GALNT17: variants seen among roughly 807,000 people sequenced by gnomAD.
GALNT17 encodes the protein polypeptide N-acetylgalactosaminyltransferase 17, also known as UDP-GalNAc:polypeptide N-acetylgalactosaminyltransferase-like 3.
Under a neutral mutation model 63.7 loss-of-function variants are expected in GALNT17, and 29 were observed. That is an observed-to-expected ratio of 0.46 (90% confidence interval 0.34 to 0.62). GALNT17 has a LOEUF of 0.62. Ranked by LOEUF, GALNT17 falls within the 20% of genes least tolerant of loss-of-function variation. The probability of loss-of-function intolerance (pLI) is 0.01; values close to 1 mark genes in which losing one functional copy is unlikely to be tolerated. For missense variants in GALNT17, 603 were observed against 799.6 expected (o/e 0.75, Z 2.97); for synonymous variants, 305 against 318.3 (o/e 0.96, Z 0.45).
intron 5 of GALNT17, among the ~76,000 whole-genome samples, chr7:71,531,369 A>C: frequency 6.6e-6 from 1 of 152,288 alleles, no homozygotes; most frequent in Admixed American, 6.5e-5. Context: ...TCAATTATAC[A>C]TACAATATTA....
chr7:71,243,711 C>G (rs1304007714), intron 1 of GALNT17, among the ~76,000 whole-genome samples: 2 of 152,168 alleles, frequency 1.3e-5, no homozygotes, highest in Non-Finnish European at 2.9e-5. Flanking sequence ...AGCCCTTTAA[C>G]TTCCTTCGAT....
At chr7:71,442,250 G>A (rs895900021) in intron 5 of GALNT17, among the ~76,000 whole-genome samples, 1 of 152,096 alleles carries the variant, frequency 6.6e-6, no homozygotes, top group African/African-American at 2.4e-5. Flanking sequence ...AGGCTGGAGT[G>A]CAATGGCCCG....
chr7:71,395,026 T>C (rs1793113266), intron 3 of GALNT17, among the ~76,000 whole-genome samples: 1 of 151,980 alleles, frequency 6.6e-6, no homozygotes, highest in Admixed American at 6.6e-5. Context: ...CACTTGAACC[T>C]GGGAGGCGGA....
chr7:71,550,986 T>C (rs1017965395), intron 5 of GALNT17, among the ~76,000 whole-genome samples: 1 of 152,166 alleles, frequency 6.6e-6, no homozygotes, highest in Non-Finnish European at 1.5e-5. Flanking sequence ...GAGCTTTGAA[T>C]ATATGTGTTC....
intron 1 of GALNT17, among the ~76,000 whole-genome samples, chr7:71,157,239 A>G (rs949360617): frequency 6.6e-6 from 1 of 151,942 alleles, no homozygotes; most frequent in African/African-American, 2.4e-5. Flanking sequence ...TAGTTCCCAT[A>G]TCTGCATCTG....
chr7:71,504,636 C>T (rs1285586879), intron 5 of GALNT17, among the ~76,000 whole-genome samples: 2 of 152,064 alleles, frequency 1.3e-5, no homozygotes, highest in African/African-American at 4.8e-5. Flanking sequence ...GCATAGTTTA[C>T]TTATTTACAT....
intron 1 of GALNT17, among the ~76,000 whole-genome samples, chr7:71,162,357 TC>T (rs1239692559): frequency 6.8e-6 from 1 of 147,128 alleles, no homozygotes; most frequent in Non-Finnish European, 1.5e-5. Context: ...TTAGAATCTT[TC>T]CCCTGAATGC....
chr7:71,570,222 G>A (rs953836032), intron 5 of GALNT17, among the ~76,000 whole-genome samples: 4 of 152,032 alleles, frequency 2.6e-5, no homozygotes, highest in African/African-American at 7.2e-5. Context: ...CCTTTGTCCC[G>A]ACTTCATGGT....
At chr7:71,549,028 C>G (rs986094809) in intron 5 of GALNT17, among the ~76,000 whole-genome samples, 1 of 152,126 alleles carries the variant, frequency 6.6e-6, no homozygotes, top group Non-Finnish European at 1.5e-5. Flanking sequence ...TAGGAATGCC[C>G]CTTGCCAGCT....
intron 6 of GALNT17, among the ~76,000 whole-genome samples, chr7:71,584,252 C>A (rs1186652970): frequency 6.6e-6 from 1 of 152,312 alleles, no homozygotes; most frequent in Middle Eastern, 3.4e-3. Flanking sequence ...TTTTGTCTCA[C>A]TGTTTTTTTC....
At chr7:71,602,670 T>C (rs374188469) in intron 6 of GALNT17, among the ~76,000 whole-genome samples, 36 of 152,242 alleles carry the variant, frequency 2.4e-4, no homozygotes, top group Admixed American at 2.0e-3. Flanking sequence ...ACAGGCCAGA[T>C]CATTTTCAGG....
chr7:71,660,474 C>T (rs1790891586), intron 6 of GALNT17, among the ~76,000 whole-genome samples: 1 of 152,220 alleles, frequency 6.6e-6, no homozygotes, highest in African/African-American at 2.4e-5. Context: ...CATTTCTCTT[C>T]ATTTCTTCAG....
intron 5 of GALNT17, among the ~76,000 whole-genome samples, chr7:71,522,930 G>T (rs561841993): frequency 6.6e-5 from 10 of 152,164 alleles, no homozygotes; most frequent in South Asian, 2.1e-4. Flanking sequence ...TCTTAGTTGG[G>T]TGCAGGAGCT....
chr7:71,201,711 A>C (rs2116368409), intron 1 of GALNT17, among the ~76,000 whole-genome samples: 1 of 151,560 alleles, frequency 6.6e-6, no homozygotes, highest in Admixed American at 6.6e-5. Context: ...GGCTCACTGC[A>C]ACCTCCGCCT....
intron 1 of GALNT17, among the ~76,000 whole-genome samples, chr7:71,136,794 CT>C (rs983242917): frequency 1.2e-4 from 17 of 138,096 alleles, no homozygotes; most frequent in South Asian, 4.7e-4. Flanking sequence ...CTGTAGGCTT[CT>C]TTTTTTTTTG....
At chr7:71,199,522 TCATCCATCCATCCATCCATCCATC>T (rs34691979) in intron 1 of GALNT17, among the ~76,000 whole-genome samples, 1 of 142,680 alleles carries the variant, frequency 7.0e-6, no homozygotes, top group Non-Finnish European at 1.5e-5. Context: ...CCCCATCCAT[TCATCCATCCATCCATCCATCCATC>T]CATCCATCCA....
At chr7:71,219,462 C>G (rs898952017) in intron 1 of GALNT17, among the ~76,000 whole-genome samples, 2 of 152,130 alleles carry the variant, frequency 1.3e-5, no homozygotes, top group Non-Finnish European at 2.9e-5. Context: ...GGTGCTAGAT[C>G]TCAGTTGATC....
In GALNT17 at chr7:71,232,242, T is replaced by C. The variant is rs539621410; in HGVS notation, c.238+99202T>C. On this transcript the variant is annotated intron_variant, in intron 1 of 10. Transcript: ENST00000333538. ...CCCTGAGGCCTACACATTTCTGTCC[T>C]TAGATTTCTTGTTCTTTCTTTCTGT... 4.3e-4 allele frequency among the ~76,000 whole-genome samples: 65 copies of C among 152,290 alleles called. 1 individual carries two copies. In the South Asian group the frequency reaches 5.0e-3, roughly 12 times the overall value.
At chr7:71,677,601 G>A (rs1016329780) in intron 9 of GALNT17, among the ~76,000 whole-genome samples, 1 of 149,796 alleles carries the variant, frequency 6.7e-6, no homozygotes, top group African/African-American at 2.5e-5. Flanking sequence ...TGCAACCTCC[G>A]CCTCCCAGGC....
Sources: gnomAD v4.1 joint callset for allele counts (sites outside exome capture counted in the v4.1 genomes callset) on GRCh38, gnomAD v4.1.1 for gene constraint, MANE v1.5 for transcripts, NCBI Gene and HGNC (gene_info 2026-07-23, HGNC 2026-07-21) for gene names.